Variants in IDE observed in about 807,000 individuals in gnomAD.
IDE encodes the protein insulin-degrading enzyme.
A neutral mutation model predicts 133.2 loss-of-function variants in IDE; 58 were observed. That is an observed-to-expected ratio of 0.44 (90% confidence interval 0.35 to 0.54). The LOEUF is 0.54. Among genes scored for constraint, IDE ranks in the 20% least tolerant of loss-of-function variants. IDE has a pLI of 0.00. For missense variants in IDE, 981 were observed against 1,234.0 expected (o/e 0.79, Z 3.07); for synonymous variants, 396 against 421.3 (o/e 0.94, Z 0.73).
Position 92,524,446 on chromosome 10 carries a change from T to TATATATTATA in IDE, c.661+7301_661+7302insTATAATATAT, listed in dbSNP as rs1849465005. Among the ~76,000 whole-genome samples the TATATATTATA allele has an allele frequency of 2.1e-4, 9 of 42,950 alleles. 1 individual carries two copies. The highest frequency in any genetic ancestry group is 6.5e-4 in the African/African-American group (6 of 9,244). The allele number at this position is 42,950 out of a possible 152,430, so 28.2% of individuals were successfully genotyped here. The stretch of plus-strand genomic sequence containing the variant: ...ATATAATATATTTTATATAATATAT[T>TATATATTATA]TTATATATTATATATTTTATATAAT... On this transcript the variant is annotated intron_variant, in intron 4 of 24. Coordinates refer to ENST00000265986, the MANE Select transcript of IDE (RefSeq NM_004969.4).
At chr10:92,460,365 T>C (rs142229883) in intron 22 of IDE, among the ~76,000 whole-genome samples, 2 of 152,352 alleles carry the variant, frequency 1.3e-5, no homozygotes, top group East Asian at 3.9e-4. Flanking sequence ...CAAGTTCTTT[T>C]GTTTTCTTTG....
At chr10:92,454,759 A>C (rs2135286228) in intron 24 of IDE, among the ~76,000 whole-genome samples, 1 of 152,194 alleles carries the variant, frequency 6.6e-6, no homozygotes, top group Non-Finnish European at 1.5e-5. Context: ...GGTCTGTACA[A>C]ACCTATGGTA....
chr10:92,489,442 C>T (rs1220313070), intron 12 of IDE, among the ~76,000 whole-genome samples: 3 of 151,878 alleles, frequency 2.0e-5, no homozygotes, highest in East Asian at 1.9e-4. Context: ...CCCAGCTACT[C>T]GGGAGGCTGA....
intron 11 of IDE, among the ~76,000 whole-genome samples, chr10:92,499,736 G>A (rs1847908012): frequency 6.6e-6 from 1 of 152,086 alleles, no homozygotes; most frequent in Admixed American, 6.6e-5. Context: ...CGGTCAATGT[G>A]TTTTCGTTAG....
intron 1 of IDE, among the ~76,000 whole-genome samples, chr10:92,553,675 T>C (rs192170122): frequency 2.6e-4 from 39 of 151,858 alleles, no homozygotes; most frequent in African/African-American, 8.7e-4. Flanking sequence ...CCGCAAAAAT[T>C]CAAAAGATCA....
At position 92,537,254 on chromosome 10, in the gene IDE, T is replaced by C; in HGVS notation, c.283+112A>G. 6.8e-6 allele frequency: 5 copies of C among 736,368 alleles called. No homozygotes were observed. The South Asian group carries it at 9.5e-5, about 14-fold the overall frequency. 45.6% of individuals were successfully genotyped at this position (736,368 alleles called of 1,614,324 possible). On this transcript the variant is annotated intron_variant, in intron 2 of 24. Coordinates refer to ENST00000265986, the MANE Select transcript of IDE (RefSeq NM_004969.4). ...ACGAGGGTTCTGGTATAAAATAAGGTACATGGAACCGGTAACTATTGAGTA... is the reference window on the plus strand; with the variant it reads ...ACGAGGGTTCTGGTATAAAATAAGGCACATGGAACCGGTAACTATTGAGTA...
chr10:92,566,981 A>C (rs1186937796), intron 1 of IDE, among the ~76,000 whole-genome samples: 2 of 152,156 alleles, frequency 1.3e-5, no homozygotes, highest in East Asian at 3.8e-4. Flanking sequence ...ACAAATAAGA[A>C]ACCCCAGTAG....
chr10:92,558,178 G>A (rs1843105491), intron 1 of IDE, among the ~76,000 whole-genome samples: 2 of 152,156 alleles, frequency 1.3e-5, no homozygotes, highest in African/African-American at 4.8e-5. Context: ...TCAGTCTCCT[G>A]AGTAGCTGGG....
chr10:92,455,781 G>C (rs997057487), intron 23 of IDE, 138 bp from the exon 24 acceptor site: 7 of 584,440 alleles, frequency 1.2e-5, no homozygotes, highest in Non-Finnish European at 2.1e-5. Context: ...ATCCTCTAAA[G>C]GTTGCCTGCT....
chr10:92,493,157 G>A (rs1039850287), intron 11 of IDE, among the ~76,000 whole-genome samples: 5 of 152,172 alleles, frequency 3.3e-5, no homozygotes, highest in Admixed American at 2.0e-4. Context: ...TGAGGTGTAT[G>A]TGTAGAGAGT....
rs375766445 is a variant in IDE, at chr10:92,495,422, T to C, written c.1431-4827A>G. 2.0e-5 allele frequency among the ~76,000 whole-genome samples: 3 copies of C among 152,256 alleles called. No homozygotes were observed. In the East Asian group the frequency reaches 5.8e-4, roughly 29 times the overall value. On this transcript the variant is annotated intron_variant, in intron 11 of 24. Transcript: ENST00000265986. ...TTTTAGTAGAGACAGGGTTTCACTA[T>C]GTTGGCCAGGCTGGTCTCAAACTCC...
chr10:92,538,209 T>C (rs1564661442), intron 1 of IDE, among the ~76,000 whole-genome samples: 2 of 152,186 alleles, frequency 1.3e-5, no homozygotes, highest in Non-Finnish European at 2.9e-5. Context: ...ATTTCAGAGG[T>C]ATCTGCTAGA....
intron 1 of IDE, among the ~76,000 whole-genome samples, chr10:92,553,198 C>T (rs867879510): frequency 1.3e-5 from 2 of 152,018 alleles, no homozygotes; most frequent in African/African-American, 4.8e-5. Context: ...CTGAGGAAGG[C>T]GGATCACCTG....
intron 21 of IDE, among the ~76,000 whole-genome samples, chr10:92,462,850 G>A (rs1845468669): frequency 6.6e-6 from 1 of 152,168 alleles, no homozygotes; most frequent in South Asian, 2.1e-4. Flanking sequence ...CACGGCAAAT[G>A]CTCAATAAAT....
intron 4 of IDE, among the ~76,000 whole-genome samples, chr10:92,527,216 A>G (rs559417930): frequency 2.6e-5 from 4 of 152,288 alleles, no homozygotes; most frequent in South Asian, 2.1e-4. Context: ...AGAAAGAACT[A>G]TATTTTTTTC....
chr10:92,472,788 G>A (rs1330141195), intron 17 of IDE, among the ~76,000 whole-genome samples: 2 of 151,482 alleles, frequency 1.3e-5, no homozygotes, highest in Non-Finnish European at 2.9e-5. Flanking sequence ...ACAGGTGAAC[G>A]CCACCATGCC....
chr10:92,545,179 G>A (rs777785010), intron 1 of IDE, among the ~76,000 whole-genome samples: 2 of 151,652 alleles, frequency 1.3e-5, no homozygotes, highest in Non-Finnish European at 1.5e-5. Context: ...ACAATCTCCC[G>A]CCCTCCCCCA....
chr10:92,573,092 A>G lies in IDE; in HGVS notation c.98+830T>C, dbSNP rs529493428. On this transcript the variant is annotated intron_variant, in intron 1 of 24. Coordinates refer to ENST00000265986, the MANE Select transcript of IDE (RefSeq NM_004969.4). ...AAATAACGTTTCTAGGGAGGGCAAGATAATACTGCCTATCTTCTTCCATTC... is the reference window on the plus strand; with the variant it reads ...AAATAACGTTTCTAGGGAGGGCAAGGTAATACTGCCTATCTTCTTCCATTC... 276 of 985,456 alleles carry G rather than the reference A, an allele frequency of 2.8e-4. 1 individual carries two copies. In the African/African-American group the frequency reaches 4.8e-3, roughly 17 times the overall value. 61.0% of individuals were successfully genotyped at this position (985,456 alleles called of 1,614,324 possible). A position where few individuals can be genotyped will look rare whatever the true frequency, so the allele number is the denominator to read the frequency against.
chr10:92,537,277 G>T (rs910540935), intron 2 of IDE, 89 bp downstream of exon 2: 1 of 1,002,086 alleles, frequency 1.0e-6, no homozygotes, highest in Non-Finnish European at 1.5e-6. Context: ...TAACTATTGA[G>T]TATTTAAACA....
Sources: allele counts gnomAD v4.1 joint callset (sites outside exome capture counted in the v4.1 genomes callset), GRCh38; gene constraint gnomAD v4.1.1; transcripts MANE v1.5; gene names NCBI Gene and HGNC (gene_info 2026-07-23, HGNC 2026-07-21).